RBFOX1: variants seen among roughly 807,000 people sequenced by gnomAD.
RBFOX1 encodes RNA binding fox-1 homolog 1.
A neutral mutation model predicts 57.7 loss-of-function variants in RBFOX1; 8 were observed. The observed-to-expected ratio is 0.14, with a 90% confidence interval of 0.08 to 0.25. The LOEUF (loss-of-function observed/expected upper bound fraction) is 0.25. RBFOX1 is among the 10% of genes least tolerant of loss of function. The probability of loss-of-function intolerance (pLI) is 1.00; values close to 1 mark genes in which losing one functional copy is unlikely to be tolerated. For missense variants in RBFOX1, 611 were observed against 548.5 expected (o/e 1.11, Z -1.14); for synonymous variants, 326 against 222.4 (o/e 1.47, Z -4.15).
intron 4 of RBFOX1, among the ~76,000 whole-genome samples, chr16:5,977,554 G>C (rs1362401716): frequency 5.3e-5 from 8 of 152,204 alleles, no homozygotes. Context: ...CCAGGTGACT[G>C]TAAGCTCACC....
chr16:6,792,127 GA>G (rs1306262450), intron 3 of RBFOX1, among the ~76,000 whole-genome samples: 2 of 151,970 alleles, frequency 1.3e-5, no homozygotes, highest in Non-Finnish European at 2.9e-5. Context: ...CACATAAATA[GA>G]AAAAAATTGA....
At chr16:5,889,325 G>T (rs1269311891) in intron 4 of RBFOX1, among the ~76,000 whole-genome samples, 1 of 152,154 alleles carries the variant, frequency 6.6e-6, no homozygotes, top group Non-Finnish European at 1.5e-5. Context: ...CGTGGTGTTT[G>T]CTTTTCTTTT....
chr16:7,186,586 T>A lies in RBFOX1; in HGVS notation c.27+134488T>A, dbSNP rs28728265. Among the ~76,000 whole-genome samples, 358 of 52,544 alleles carry A rather than the reference T, an allele frequency of 6.8e-3. 8 individuals are homozygous for A. Among genetic ancestry groups the A allele is most frequent in the African/African-American group, 0.022 (144 of 6,450 alleles). 34.5% of individuals were successfully genotyped at this position (52,544 alleles called of 152,430 possible). On this transcript the variant is annotated intron_variant, in intron 4 of 15. Transcript: ENST00000550418. ...TAAACATATTTATATAAATATAAGC[T>A]TAAACATATTTATATAAATATAAGC...
chr16:7,071,035 C>G (rs919639023), intron 4 of RBFOX1, among the ~76,000 whole-genome samples: 1 of 152,080 alleles, frequency 6.6e-6, no homozygotes, highest in Admixed American at 6.6e-5. Flanking sequence ...AAATGAACTT[C>G]AAAAAACAGC....
chr16:7,696,128 C>T (rs764693752), intron 14 of RBFOX1, among the ~76,000 whole-genome samples: 5 of 152,202 alleles, frequency 3.3e-5, no homozygotes, highest in African/African-American at 4.8e-5. Flanking sequence ...AGGCATTTTT[C>T]ATTAACATTT....
chr16:7,670,247 G>A (rs1204280425), intron 13 of RBFOX1, among the ~76,000 whole-genome samples: 1 of 152,160 alleles, frequency 6.6e-6, no homozygotes, highest in Non-Finnish European at 1.5e-5. Context: ...GGCCAGGCTG[G>A]TCTCGAACTT....
At chr16:6,660,954 C>T (rs561911711) in intron 3 of RBFOX1, among the ~76,000 whole-genome samples, 6 of 152,000 alleles carry the variant, frequency 3.9e-5, no homozygotes, top group African/African-American at 7.3e-5. Flanking sequence ...TACAAATGCA[C>T]CTGCCTGCCA....
Position 5,899,503 on chromosome 16 carries a change from C to G in RBFOX1, c.351+32168C>G, listed in dbSNP as rs111685999. On this transcript the variant is annotated intron_variant, in intron 4 of 19. Coordinates refer to the RBFOX1 transcript ENST00000641259. Reference sequence around the variant, plus strand: ...AAATCAAGCTGAATTCTCTGCTTGACTAGCTAGGAAGAGTGGGGCCACTCT... The same window carrying G: ...AAATCAAGCTGAATTCTCTGCTTGAGTAGCTAGGAAGAGTGGGGCCACTCT... Among the ~76,000 whole-genome samples, 19 of 152,298 alleles carry G rather than the reference C, an allele frequency of 1.2e-4. 1 individual carries two copies. Among genetic ancestry groups the G allele is most frequent in the African/African-American group, 4.1e-4 (17 of 41,576 alleles).
intron 4 of RBFOX1, among the ~76,000 whole-genome samples, chr16:7,093,080 A>G (rs1480066526): frequency 6.6e-6 from 1 of 152,240 alleles, no homozygotes; most frequent in Non-Finnish European, 1.5e-5. Flanking sequence ...CTATGAGTGC[A>G]GTGCTTTACA....
intron 2 of RBFOX1, among the ~76,000 whole-genome samples, chr16:6,346,987 T>C (rs1488638189): frequency 6.6e-6 from 1 of 152,180 alleles, no homozygotes; most frequent in Non-Finnish European, 1.5e-5. Flanking sequence ...TCTTTCCATG[T>C]ACAGCCTTGT....
intron 2 of RBFOX1, among the ~76,000 whole-genome samples, chr16:6,641,778 A>AAG (rs1568006199): frequency 0.015 from 477 of 31,748 alleles, 36 homozygotes; most frequent in Non-Finnish European, 0.02. Flanking sequence ...AAAAAAAAAA[A>AAG]TAGGTTCTGC....
At chr16:6,916,640 TC>T (rs1446314916) in intron 3 of RBFOX1, among the ~76,000 whole-genome samples, 1 of 152,178 alleles carries the variant, frequency 6.6e-6, no homozygotes, top group Non-Finnish European at 1.5e-5. Context: ...CTTGTGTTTT[TC>T]TGGATGGTCA....
Position 7,654,899 on chromosome 16 carries a change from T to TTTGA in RBFOX1, c.890+953_890+954insTGAT, listed in dbSNP as rs2065935347. Reference sequence around the variant, plus strand: ...TTTGACAGCCCCCAACAAGAAAGAATTATCAGACTCAAAGTCAGTCATGCT... The same window carrying TTTGA: ...TTTGACAGCCCCCAACAAGAAAGAATTTGATATCAGACTCAAAGTCAGTCATGCT... On this transcript the variant is annotated intron_variant, in intron 12 of 15. Coordinates refer to ENST00000550418, the MANE Select transcript of RBFOX1 (RefSeq NM_018723.4). Among the ~76,000 whole-genome samples, 3 of 152,284 alleles carry TTTGA rather than the reference T, an allele frequency of 2.0e-5. No homozygotes were observed. In the South Asian group the frequency reaches 6.2e-4, roughly 32 times the overall value.
intron 2 of RBFOX1, among the ~76,000 whole-genome samples, chr16:6,493,958 A>AT (rs1192352223): frequency 6.6e-6 from 1 of 152,190 alleles, no homozygotes; most frequent in Non-Finnish European, 1.5e-5. Flanking sequence ...AATGAGTGAT[A>AT]TTTTCCTGTA....
At chr16:7,631,642 G>C (rs8056316) in intron 11 of RBFOX1, among the ~76,000 whole-genome samples, 22,330 of 152,114 alleles carry the variant, frequency 0.15, 1,809 homozygotes, top group South Asian at 0.24. Context: ...TGGAGTGGGG[G>C]TGGGGCTGTT....
chr16:5,908,345 T>A (rs2058527467), intron 4 of RBFOX1, among the ~76,000 whole-genome samples: 1 of 80,862 alleles, frequency 1.2e-5, no homozygotes, highest in African/African-American at 3.5e-5. Flanking sequence ...TGTGTGTGTG[T>A]GTGTGTGTCT....
At chr16:5,459,789 C>T (rs890854316) in intron 1 of RBFOX1, among the ~76,000 whole-genome samples, 4 of 152,056 alleles carry the variant, frequency 2.6e-5, no homozygotes, top group African/African-American at 9.7e-5. Context: ...ACCAGCAAGT[C>T]CTCTTGATTC....
chr16:5,555,344 C>G (rs370642775), intron 2 of RBFOX1, among the ~76,000 whole-genome samples: 6 of 152,210 alleles, frequency 3.9e-5, no homozygotes, highest in African/African-American at 1.4e-4. Context: ...ACCTACACCT[C>G]CTGGGCTCAA....
At chr16:6,173,972 C>T (rs188179358) in intron 1 of RBFOX1, among the ~76,000 whole-genome samples, 62 of 152,202 alleles carry the variant, frequency 4.1e-4, no homozygotes, top group African/African-American at 1.5e-3. Flanking sequence ...GAGTCCTTCA[C>T]AGTGATCTCG....
Sources: gnomAD v4.1 joint callset for allele counts (sites outside exome capture counted in the v4.1 genomes callset) on GRCh38, gnomAD v4.1.1 for gene constraint, MANE v1.5 for transcripts, NCBI Gene and HGNC (gene_info 2026-07-23, HGNC 2026-07-21) for gene names.